Variants in DCAF5 observed in about 807,000 individuals in gnomAD.
DCAF5 encodes the protein DDB1- and CUL4-associated factor 5.
DCAF5 carries 9 observed loss-of-function variants against 80.7 expected under a neutral mutation model. The ratio of observed to expected loss-of-function variants is 0.11; its 90% CI spans 0.07 to 0.19. The LOEUF is 0.19. Among genes scored for constraint, DCAF5 ranks in the 10% least tolerant of loss-of-function variants. The pLI, the probability that DCAF5 is intolerant of heterozygous loss-of-function variation, is 1.00. For missense variants in DCAF5, 842 were observed against 1,205.7 expected, an observed-to-expected ratio of 0.70 and a Z score of 4.47; for synonymous variants, 433 against 461.9, an observed-to-expected ratio of 0.94 and a Z score of 0.80.
At chr14:69,109,596 A>C (rs148931173) in intron 5 of DCAF5, among the ~76,000 whole-genome samples, 43 of 152,292 alleles carry the variant, frequency 2.8e-4, no homozygotes, top group African/African-American at 9.9e-4. Context: ...GAATTCTTTT[A>C]TTCAATATTA....
In DCAF5 at chr14:69,104,640, G is replaced by C. The variant is rs147000676; in HGVS notation, c.665+11726C>G. 7.9e-3 allele frequency among the ~76,000 whole-genome samples: 1,206 copies of C among 152,154 alleles called. 12 individuals carry two copies. Among genetic ancestry groups the C allele is most frequent in the African/African-American group, 0.027 (1,114 of 41,508 alleles). On this transcript the variant is annotated intron_variant, in intron 5 of 8. Transcript: ENST00000341516. ...GGAGGCCGAGGTGGGTGGATCACTT[G>C]AGGCCAGGAATTCAAGACCAGCCTG...
At chr14:69,070,902 T>A (rs6573866) in intron 7 of DCAF5, among the ~76,000 whole-genome samples, 152,133 of 152,134 alleles carry the variant, frequency 1, 76,066 homozygotes, top group Non-Finnish European at 1. Context: ...GGTTCAAGCG[T>A]TTCTTCTGCC....
In DCAF5 at chr14:69,093,867, G is replaced by A. The variant is rs142048025; in HGVS notation, c.666-1980C>T. ...CAAGGAGGGGCCTGGTATCCCTGCA[G>A]GCCCCAAGTAGTAATCCCTGCAGAG... On this transcript the variant is annotated intron_variant, in intron 5 of 8. Coordinates refer to ENST00000341516, the MANE Select transcript of DCAF5 (RefSeq NM_003861.3). 3.9e-5 allele frequency among the ~76,000 whole-genome samples: 6 copies of A among 152,264 alleles called. No homozygotes were observed. The East Asian group carries it at 1.2e-3, about 29-fold the overall frequency.
At chr14:69,102,615 CACACAT>C (rs2040000295) in intron 5 of DCAF5, among the ~76,000 whole-genome samples, 2 of 147,684 alleles carry the variant, frequency 1.4e-5, no homozygotes, top group South Asian at 2.2e-4. Flanking sequence ...CACACACACA[CACACAT>C]ATTAGCCTAG....
At position 69,052,838 on chromosome 14, in the gene DCAF5, T is replaced by C. The variant is rs529976922; in HGVS notation, c.*1019A>G. The C allele has an allele frequency of 4.6e-5, 7 of 152,274 alleles. No individual in the cohort carries two copies. The highest frequency in any genetic ancestry group is 7.3e-5 in the Non-Finnish European group (5 of 68,064). 9.4% of individuals were successfully genotyped at this position (152,274 alleles called of 1,614,324 possible). On this transcript the variant is annotated 3_prime_UTR_variant, in exon 9 of 9. Transcript: ENST00000341516. ...TGCCAGTCCCACCAATTCTGACCAA[T>C]GGTTCTGGGTTGAGTTAAATGAATA... is the stretch of plus-strand genomic sequence containing the variant.
intron 1 of DCAF5, among the ~76,000 whole-genome samples, chr14:69,145,615 C>T (rs2041512925): frequency 6.6e-6 from 1 of 151,920 alleles, no homozygotes; most frequent in South Asian, 2.1e-4. Context: ...TTCATATTCC[C>T]ACAATAATGT....
In DCAF5 at chr14:69,051,275, A is replaced by G. The variant is rs1566708261; in HGVS notation, c.*2582T>C. 1 of 152,686 alleles carries G rather than the reference A, an allele frequency of 6.5e-6. No homozygotes were observed. 9.5% of individuals were successfully genotyped at this position (152,686 alleles called of 1,614,324 possible). A position where few individuals can be genotyped will look rare whatever the true frequency, so the allele number is the denominator to read the frequency against. On this transcript the variant is annotated 3_prime_UTR_variant, in exon 9 of 9. Coordinates refer to ENST00000341516, the MANE Select transcript of DCAF5 (RefSeq NM_003861.3). ...AGTGCCATCTGTCCTGCTATTAAAA[A>G]TATCTATTATGGAAGAAATTGGGTA...
intron 1 of DCAF5, among the ~76,000 whole-genome samples, chr14:69,125,451 C>CTCCTCTTT (rs1363457019): frequency 6.6e-6 from 1 of 152,142 alleles, no homozygotes; most frequent in Non-Finnish European, 1.5e-5. Flanking sequence ...ATTCTTAAAA[C>CTCCTCTTT]TCCAATAGGA....
chr14:69,083,949 C>A, intron 6 of DCAF5: 1 of 781,258 alleles, frequency 1.3e-6, no homozygotes, highest in African/African-American at 1.7e-5. Flanking sequence ...TGAAAACACT[C>A]TGAAGGCAAT....
At chr14:69,084,548 G>A (rs1350837339) in intron 6 of DCAF5, 5 of 758,546 alleles carry the variant, frequency 6.6e-6, no homozygotes, top group Non-Finnish European at 9.3e-6. Context: ...TGTTGATGAC[G>A]ATAAAGCTAA....
chr14:69,122,487 A>AGTTGG, intron 1 of DCAF5, 127 bp from the exon 2 acceptor site: 1 of 994,262 alleles, frequency 1.0e-6, no homozygotes, highest in Non-Finnish European at 1.4e-6. Flanking sequence ...ATTCGCATGG[A>AGTTGG]GCACAAAAAC....
At position 69,054,949 on chromosome 14, in the gene DCAF5, G is replaced by A; in HGVS notation, c.1737C>T (p.Ala579=). 1.2e-6 allele frequency: 2 copies of A among 1,614,258 alleles called. No individual in the cohort carries two copies. Among genetic ancestry groups the A allele is most frequent in the Non-Finnish European group, 1.7e-6 (2 of 1,180,050 alleles). ...GCATGGCATTCCGCTGCCAGGTAGA[G>A]GCTCGGCGTTCATTCAGCTCCTCCT... ...EDEEELNERR[A]STWQRNAMRR... is the part of the protein sequence containing the mutation. The change falls in exon 9 of 9, where the codon GCC becomes GCT. Residue 579 remains alanine (A), a synonymous_variant. Coordinates refer to ENST00000341516, the MANE Select transcript of DCAF5 (RefSeq NM_003861.3).
chr14:69,056,439 TG>T (rs1342027363), intron 8 of DCAF5, among the ~76,000 whole-genome samples: 1 of 152,220 alleles, frequency 6.6e-6, no homozygotes, highest in Non-Finnish European at 1.5e-5. Context: ...CAGGTCTGCC[TG>T]ACTTAAAGGC....
At position 69,118,073 on chromosome 14, in the gene DCAF5, A is replaced by C. The variant is rs796260818; in HGVS notation, c.535+66T>G. Reference sequence around the variant, plus strand: ...CATAGATACTGAGGTAATAAATTGGATCTTCAATGAATCTGACATCAAACT... The same window carrying C: ...CATAGATACTGAGGTAATAAATTGGCTCTTCAATGAATCTGACATCAAACT... On this transcript the variant is annotated intron_variant, in intron 4 of 8. Coordinates refer to ENST00000341516, the MANE Select transcript of DCAF5 (RefSeq NM_003861.3). This position sits in a 1 kb window ranked among gnomAD's most constrained non-coding sequence, Gnocchi z 4.0. 1 of 1,589,034 alleles carries C rather than the reference A, an allele frequency of 6.3e-7. No individual in the cohort carries two copies. The highest frequency in any genetic ancestry group is 1.7e-5 in the Admixed American group (1 of 59,230).
At chr14:69,110,562 C>T (rs1395292783) in intron 5 of DCAF5, among the ~76,000 whole-genome samples, 1 of 152,082 alleles carries the variant, frequency 6.6e-6, no homozygotes, top group Admixed American at 6.6e-5. Flanking sequence ...GCCACTGCGT[C>T]CAGTCCTTTT....
intron 6 of DCAF5, chr14:69,084,480 C>T (rs1245083678): frequency 5.0e-6 from 4 of 798,282 alleles, no homozygotes; most frequent in Admixed American, 3.8e-5. Flanking sequence ...GCCACCCAAA[C>T]TTGAAAAGTT....
In DCAF5 at chr14:69,152,838, C is replaced by T. The variant is rs144556740; in HGVS notation, c.141G>A (p.Lys47=). The change falls in exon 1 of 9, where the codon AAG becomes AAA. Residue 47 remains lysine, a synonymous_variant. Transcript: ENST00000341516. The surrounding 1 kb of genome is among the most constrained non-coding windows in gnomAD (Gnocchi z 4.1). ...CACAGCCGAAGTGGCCGAGGAGGTC[C>T]TTCTTGTAGAGGTTTCTGCAGCCCC... The part of the protein sequence containing the change: ...RLRGCRNLYK[K]DLLGHFGCVN... The T allele has an allele frequency of 1.2e-3, 1,941 of 1,614,132 alleles. 2 individuals are homozygous for T. Among genetic ancestry groups the T allele is most frequent in the Non-Finnish European group, 1.4e-3 (1,635 of 1,180,002 alleles).
At position 69,112,358 on chromosome 14, in the gene DCAF5, T is replaced by C. The variant is rs530472775; in HGVS notation, c.665+4008A>G. 1.3e-4 allele frequency among the ~76,000 whole-genome samples: 20 copies of C among 151,788 alleles called. No homozygotes were observed. The South Asian group carries it at 4.2e-3, about 32-fold the overall frequency. ...GTATGACAGGTCCATATTGGAAAAATTTGAAAGGAATTCTGAAAAAGTTCT... is the reference window on the plus strand; with the variant it reads ...GTATGACAGGTCCATATTGGAAAAACTTGAAAGGAATTCTGAAAAAGTTCT... On this transcript the variant is annotated intron_variant, in intron 5 of 8. Transcript: ENST00000341516.
rs543891126 is a variant in DCAF5, at chr14:69,131,163, AC to A, written c.215-8804del. ...CAAAAACATACACAAATTTATACAT[AC>A]AAAGACAGATGCAAAATGGTTAGCA... On this transcript the variant is annotated intron_variant, in intron 1 of 8. Coordinates refer to ENST00000341516, the MANE Select transcript of DCAF5 (RefSeq NM_003861.3). Among the ~76,000 whole-genome samples the A allele has an allele frequency of 2.4e-4, 37 of 152,380 alleles. No individual in the cohort carries two copies. The East Asian group carries it at 6.9e-3, about 29-fold the overall frequency.
Sources: allele counts gnomAD v4.1 joint callset (sites outside exome capture counted in the v4.1 genomes callset), GRCh38; gene constraint gnomAD v4.1.1; non-coding constraint Gnocchi (gnomAD v3.1); transcripts MANE v1.5; gene names NCBI Gene and HGNC (gene_info 2026-07-23, HGNC 2026-07-21).